Variants in BRAF observed in about 807,000 individuals in gnomAD.
The protein encoded by BRAF is serine/threonine-protein kinase B-raf.
BRAF carries 16 observed loss-of-function variants against 104.6 expected under a neutral mutation model. That is an observed-to-expected ratio of 0.15 (90% CI 0.10 to 0.23). BRAF has a LOEUF of 0.23. BRAF is among the 10% of genes least tolerant of loss of function. The pLI, the probability that BRAF is intolerant of heterozygous loss-of-function variation, is 1.00. For synonymous variants in BRAF, 310 were observed against 341.6 expected (o/e 0.91, Z 1.02); for missense variants, 541 against 937.3 (o/e 0.58, Z 5.52).
chr7:140,830,341 C>T (rs28688297), intron 3 of BRAF, among the ~76,000 whole-genome samples: 1,599 of 152,262 alleles, frequency 0.011, 31 homozygotes, highest in African/African-American at 0.036. Context: ...TGTTGACAAA[C>T]TCTGATATTG....
chr7:140,786,603 G>T (rs886449956), intron 9 of BRAF, among the ~76,000 whole-genome samples: 38 of 152,238 alleles, frequency 2.5e-4, no homozygotes, highest in African/African-American at 8.2e-4. Flanking sequence ...AATTCAGTTG[G>T]AAATCTCAAT....
chr7:140,738,028 G>A (rs769598624), intron 18 of BRAF, among the ~76,000 whole-genome samples: 3 of 152,152 alleles, frequency 2.0e-5, no homozygotes, highest in South Asian at 2.1e-4. Context: ...GCACCATGAC[G>A]TGAAAAGAGA....
intron 17 of BRAF, chr7:140,747,457 C>T: frequency 7.8e-7 from 1 of 1,278,310 alleles, no homozygotes; most frequent in Non-Finnish European, 1.0e-6. Context: ...CCTAAAATGC[C>T]AAGAAGTGGA....
intron 6 of BRAF, 24 bp from the exon 7 acceptor site, chr7:140,800,505 C>T (rs1346313684): frequency 2.5e-6 from 4 of 1,613,924 alleles, no homozygotes; most frequent in Non-Finnish European, 3.4e-6. Flanking sequence ...CAAAACAAAC[C>T]TAACTTGTGC....
At chr7:140,790,505 C>T (rs897706686) in intron 8 of BRAF, among the ~76,000 whole-genome samples, 4 of 152,148 alleles carry the variant, frequency 2.6e-5, no homozygotes, top group Non-Finnish European at 5.9e-5. Flanking sequence ...TAACTATTTG[C>T]ATATTAATAT....
intron 14 of BRAF, among the ~76,000 whole-genome samples, chr7:140,774,794 G>C (rs1318097230): frequency 6.6e-6 from 1 of 152,192 alleles, no homozygotes; most frequent in Non-Finnish European, 1.5e-5. Context: ...TGGGATTACA[G>C]GTGTGAGCCA....
rs1562965990 is a variant in BRAF at position 140,800,478 on chromosome 7, C to T, written c.864G>A (p.Leu288=). The T allele has an allele frequency of 6.2e-7, 1 of 1,614,074 alleles. No homozygotes were observed. The highest frequency in any genetic ancestry group is 8.5e-7 in the Non-Finnish European group (1 of 1,179,978). Residue 288 remains leucine (L), a synonymous_variant, in exon 7 of 20, where the codon TTG becomes TTA. Coordinates refer to ENST00000644969, the MANE Select transcript of BRAF (RefSeq NM_001374258.1). The part of the protein sequence containing the change: ...LMCVNYDQLD[L]LFVSKFFEHH... Reference sequence around the variant, plus strand: ...GTTCAAAGAACTTGGAGACAAACAGCAAACTGTGAGGCAAAACAAAACAAA... The same window carrying T: ...GTTCAAAGAACTTGGAGACAAACAGTAAACTGTGAGGCAAAACAAAACAAA...
Position 140,724,444 on chromosome 7 carries a change from C to T in BRAF, c.*2050G>A, listed in dbSNP as rs1795488109. 9.5e-7 allele frequency: 1 copy of T among 1,054,816 alleles called. No homozygotes were observed. Among genetic ancestry groups the T allele is most frequent in the Admixed American group, 5.4e-5 (1 of 18,390 alleles). The allele number at this position is 1,054,816 out of a possible 1,614,324, so 65.3% of individuals were successfully genotyped here. On this transcript the variant is annotated 3_prime_UTR_variant, in exon 20 of 20. Transcript: ENST00000644969. ...ATTGCACAGAAGATGTTCTTCAAAT[C>T]AGCGTGAATTATTTCCACCTTTGCA...
intron 1 of BRAF, among the ~76,000 whole-genome samples, chr7:140,854,016 A>C (rs1451207116): frequency 6.6e-6 from 1 of 152,204 alleles, no homozygotes; most frequent in Non-Finnish European, 1.5e-5. Flanking sequence ...TCCGTCTCCC[A>C]GGCTGGAGTG....
chr7:140,924,450 G>A lies in BRAF; in HGVS notation c.138+116C>T. 6.9e-7 allele frequency: 1 copy of A among 1,442,442 alleles called. No homozygotes were observed. Among genetic ancestry groups the A allele is most frequent in the South Asian group, 1.2e-5 (1 of 81,256 alleles). The allele number at this position is 1,442,442 out of a possible 1,614,324, so 89.4% of individuals were successfully genotyped here. Reference sequence around the variant, plus strand: ...TGCCCACCTCCCAGCCCGCGGAGCTGGCCCGAGAAGGTGGCTGAGGGCATC... The same window carrying A: ...TGCCCACCTCCCAGCCCGCGGAGCTAGCCCGAGAAGGTGGCTGAGGGCATC... On this transcript the variant is annotated intron_variant, in intron 1 of 19. Transcript: ENST00000644969. This position sits in a 1 kb window ranked among gnomAD's most constrained non-coding sequence, Gnocchi z 4.2.
chr7:140,737,343 T>C (rs891623566), intron 18 of BRAF, among the ~76,000 whole-genome samples: 2 of 152,228 alleles, frequency 1.3e-5, no homozygotes, highest in Non-Finnish European at 1.5e-5. Flanking sequence ...TTGTTCCCAG[T>C]GCTGGATATT....
intron 3 of BRAF, among the ~76,000 whole-genome samples, chr7:140,817,481 G>A (rs1804999412): frequency 6.6e-6 from 1 of 151,926 alleles, no homozygotes; most frequent in African/African-American, 2.4e-5. Flanking sequence ...ACTACCAAAG[G>A]CCCAGAATAG....
downstream of BRAF, among the ~76,000 whole-genome samples, chr7:140,716,331 C>T (rs1337784409): frequency 1.3e-5 from 2 of 152,100 alleles, no homozygotes; most frequent in African/African-American, 2.4e-5. Context: ...ACCTTAATGT[C>T]CTAATTTGTA....
At chr7:140,923,149 C>T (rs1010136813) in intron 1 of BRAF, among the ~76,000 whole-genome samples, 3 of 151,588 alleles carry the variant, frequency 2.0e-5, no homozygotes, top group Non-Finnish European at 4.4e-5. Flanking sequence ...CAAGCTGATG[C>T]TGAATAAAGC....
chr7:140,907,506 C>T (rs922871229), intron 1 of BRAF, among the ~76,000 whole-genome samples: 3 of 152,288 alleles, frequency 2.0e-5, no homozygotes, highest in Admixed American at 1.3e-4. Flanking sequence ...CGTGATCTGT[C>T]GGCCTCAGCC....
At chr7:140,741,151 A>G (rs1039229660) in intron 17 of BRAF, 1 of 152,196 alleles carries the variant, frequency 6.6e-6, no homozygotes, top group African/African-American at 2.4e-5. Flanking sequence ...TTACTTGGCT[A>G]TCAGTGGAAA....
chr7:140,722,052 C>T lies in BRAF; in HGVS notation c.*4442G>A, dbSNP rs1795349242. The T allele has an allele frequency of 1.8e-6, 2 of 1,106,358 alleles. No homozygotes were observed. Among genetic ancestry groups the T allele is most frequent in the Middle Eastern group, 3.8e-4 (1 of 2,600 alleles). The allele number at this position is 1,106,358 out of a possible 1,614,324, so 68.5% of individuals were successfully genotyped here. On this transcript the variant is annotated 3_prime_UTR_variant, in exon 20 of 20. Transcript: ENST00000644969. ...GCTGCCCATCATACAGTACTTCAAC[C>T]CTAAACTACAGCAATTTCTGTCAAC...
intron 13 of BRAF, among the ~76,000 whole-genome samples, chr7:140,777,582 C>T (rs1013822795): frequency 6.6e-6 from 1 of 152,166 alleles, no homozygotes; most frequent in South Asian, 2.1e-4. Flanking sequence ...TCCCCCGTTA[C>T]ACCTCTAGAA....
intron 2 of BRAF, among the ~76,000 whole-genome samples, chr7:140,838,768 T>G (rs1364134822): frequency 6.6e-6 from 1 of 152,080 alleles, no homozygotes; most frequent in Admixed American, 6.5e-5. Flanking sequence ...AGAACACACA[T>G]ATAGAACAGA....
Sources: allele counts gnomAD v4.1 joint callset (sites outside exome capture counted in the v4.1 genomes callset), GRCh38; gene constraint gnomAD v4.1.1; non-coding constraint Gnocchi (gnomAD v3.1); transcripts MANE v1.5; gene names NCBI Gene and HGNC (gene_info 2026-07-23, HGNC 2026-07-21).